Variants in ZNF468 observed in about 807,000 individuals in gnomAD.
ZNF468 encodes zinc finger protein ZNF468.
ZNF468 carries 8 observed loss-of-function variants against 7.2 expected under a neutral mutation model. That is an observed-to-expected ratio of 1.11 (90% CI 0.65 to 2.01). The LOEUF is 2.01. Ranked by LOEUF, ZNF468 falls within the 30% of genes most tolerant of loss-of-function variation. The pLI is 0.00. For synonymous variants in ZNF468, 218 were observed against 214.4 expected, an observed-to-expected ratio of 1.02 and a Z score of -0.15; for missense variants, 608 against 626.5, an observed-to-expected ratio of 0.97 and a Z score of 0.31.
Position 52,842,024 on chromosome 19 carries a change from A to T in ZNF468, c.270T>A (p.Ile90=). 6.2e-7 allele frequency: 1 copy of T among 1,613,956 alleles called. No individual in the cohort carries two copies. The highest frequency in any genetic ancestry group is 8.5e-7 in the Non-Finnish European group (1 of 1,179,942). Residue 90 remains isoleucine, a synonymous_variant, in exon 4 of 4, where the codon ATT becomes ATA. Coordinates refer to ENST00000595646, the MANE Select transcript of ZNF468 (RefSeq NM_001008801.2). The part of the protein sequence containing the change: ...HHIGEFCFHE[I]EKDIHGFEFQ... Reference sequence around the variant, plus strand: ...ACTCGAAGCCATGAATGTCTTTCTCAATTTCATGGAAACAAAATTCTCCAA... The same window carrying T: ...ACTCGAAGCCATGAATGTCTTTCTCTATTTCATGGAAACAAAATTCTCCAA...
At chr19:52,854,528 G>C (rs540535748) in intron 1 of ZNF468, among the ~76,000 whole-genome samples, 183 bp from the exon 2 acceptor site, 1 of 152,046 alleles carries the variant, frequency 6.6e-6, no homozygotes, top group Non-Finnish European at 1.5e-5. Flanking sequence ...CCACACACAC[G>C]CTGCAGCAGT....
rs1213383778 is a variant in ZNF468 at position 52,838,989 on chromosome 19, A to C, written c.*1736T>G. The C allele has an allele frequency of 1.3e-5, 2 of 152,178 alleles. No homozygotes were observed. The highest frequency in any genetic ancestry group is 1.3e-4 in the Admixed American group (2 of 15,260). The allele number at this position is 152,178 out of a possible 1,614,324, so 9.4% of individuals were successfully genotyped here. A position where few individuals can be genotyped will look rare whatever the true frequency, so the allele number is the denominator to read the frequency against. On this transcript the variant is annotated 3_prime_UTR_variant, in exon 4 of 4. Transcript: ENST00000595646. The stretch of plus-strand genomic sequence containing the variant: ...AAAAACAGGCCAGGCACAGTGGCTC[A>C]CTCCTGTAATCTCAGCACTTTGGGA...
intron 2 of ZNF468, chr19:52,853,880 T>C (rs2063412108): frequency 7.9e-7 from 1 of 1,258,864 alleles, no homozygotes; most frequent in Non-Finnish European, 1.0e-6. Context: ...ACCACGTACT[T>C]CGTGCATATT....
chr19:52,851,606 T>C (rs2063390494), intron 2 of ZNF468, among the ~76,000 whole-genome samples: 1 of 151,866 alleles, frequency 6.6e-6, no homozygotes, highest in South Asian at 2.1e-4. Flanking sequence ...TCAGGCATGG[T>C]GGCACCCACC....
In ZNF468 at chr19:52,840,567, C is replaced by G; in HGVS notation, c.*158G>C. On this transcript the variant is annotated 3_prime_UTR_variant, in exon 4 of 4. Coordinates refer to ENST00000595646, the MANE Select transcript of ZNF468 (RefSeq NM_001008801.2). ...CACATTCCTCCCATTTGTAAGGTTT[C>G]TCTCCAGTATGAAGTCTATGGTGAT... 3.7e-6 allele frequency: 5 copies of G among 1,368,864 alleles called. No homozygotes were observed. The South Asian group carries it at 6.0e-5, about 16-fold the overall frequency. 84.8% of individuals were successfully genotyped at this position (1,368,864 alleles called of 1,614,324 possible).
rs778123308 is a variant in ZNF468 at position 52,841,971 on chromosome 19, C to T, written c.323G>A (p.Gly108Asp). ...EFQWKEDETN[G>D]HAAPMTEIKE... is the part of the protein sequence containing the mutation. ...GATTTCTGTCATGGGTGCTGCATGG[C>T]CATTTGTTTCATCTTCTTTCCACTG... is the stretch of plus-strand genomic sequence containing the variant. The change falls in exon 4 of 4, where the codon GGC becomes GAC. Residue 108 changes from glycine to aspartate, a missense_variant. Physicochemically the swap from Gly to Asp is moderately conservative, Grantham distance 94 (BLOSUM62 -1). Transcript: ENST00000595646. The T allele has an allele frequency of 4.7e-5, 76 of 1,613,728 alleles. No homozygotes were observed. The highest frequency in any genetic ancestry group is 5.0e-5 in the Non-Finnish European group (59 of 1,179,886).
At chr19:52,843,734 T>C (rs1043268393) in intron 3 of ZNF468, among the ~76,000 whole-genome samples, 1 of 152,208 alleles carries the variant, frequency 6.6e-6, no homozygotes. Context: ...CTTGTACTTA[T>C]CACCAGCACA....
chr19:52,840,152 G>A lies in ZNF468; in HGVS notation c.*573C>T. The A allele has an allele frequency of 2.3e-6, 1 of 431,350 alleles. No individual in the cohort carries two copies. Among genetic ancestry groups the A allele is most frequent in the Non-Finnish European group, 4.3e-6 (1 of 232,472 alleles). The allele number at this position is 431,350 out of a possible 1,614,324, so 26.7% of individuals were successfully genotyped here. A position where few individuals can be genotyped will look rare whatever the true frequency, so the allele number is the denominator to read the frequency against. On this transcript the variant is annotated 3_prime_UTR_variant, in exon 4 of 4. Transcript: ENST00000595646. ...TTTTCTCCAGTGTGAATTCTCCTAT[G>A]TATTTGAAGCTGGATTTGTGAATGA...
chr19:52,844,166 T>C (rs1421738119), intron 3 of ZNF468, among the ~76,000 whole-genome samples: 1 of 152,130 alleles, frequency 6.6e-6, no homozygotes, highest in Non-Finnish European at 1.5e-5. Flanking sequence ...TAAGCTTTGG[T>C]AGATGTGGTA....
rs8100996 is a variant in ZNF468 at position 52,842,161 on chromosome 19, T to A, written c.143-10A>T. The A allele has an allele frequency of 0.15, 238,191 of 1,571,298 alleles. 20,735 individuals are homozygous for A. The highest frequency in any genetic ancestry group is 0.38 in the Admixed American group (20,327 of 53,782). ...CATTTGGAAGAGATATCTACAAAATTTAAACACCAATAGGTTTCCAATTAA... is the reference window on the plus strand; with the variant it reads ...CATTTGGAAGAGATATCTACAAAATATAAACACCAATAGGTTTCCAATTAA... On this transcript the variant is annotated splice_polypyrimidine_tract_variant and intron_variant, in intron 3 of 3. Transcript: ENST00000595646.
chr19:52,840,575 T>C lies in ZNF468; in HGVS notation c.*150A>G, dbSNP rs2063286370. ...TCCCATTTGTAAGGTTTCTCTCCAG[T>C]ATGAAGTCTATGGTGATGTGCAAAG... is the stretch of plus-strand genomic sequence containing the variant. On this transcript the variant is annotated 3_prime_UTR_variant, in exon 4 of 4. Coordinates refer to ENST00000595646, the MANE Select transcript of ZNF468 (RefSeq NM_001008801.2). 1 of 1,397,192 alleles carries C rather than the reference T, an allele frequency of 7.2e-7. No individual in the cohort carries two copies. Among genetic ancestry groups the C allele is most frequent in the Admixed American group, 1.7e-5 (1 of 57,784 alleles). The allele number at this position is 1,397,192 out of a possible 1,614,324, so 86.5% of individuals were successfully genotyped here.
At chr19:52,849,331 T>C (rs2063365769) in intron 2 of ZNF468, 118 bp from the exon 3 acceptor site, 1 of 1,559,508 alleles carries the variant, frequency 6.4e-7, no homozygotes, top group Non-Finnish European at 8.7e-7. Flanking sequence ...TTCTGACAAA[T>C]CCAAATAAGG....
chr19:52,845,671 A>G (rs1452717667), intron 3 of ZNF468, among the ~76,000 whole-genome samples: 1 of 151,856 alleles, frequency 6.6e-6, no homozygotes, highest in African/African-American at 2.4e-5. Context: ...AAAACTAACT[A>G]ACTAACTAAC....
chr19:52,841,101 A>G lies in ZNF468; in HGVS notation c.1193T>C (p.Leu398Pro), dbSNP rs201998375. The G allele has an allele frequency of 6.2e-7, 1 of 1,613,804 alleles. No homozygotes were observed. The highest frequency in any genetic ancestry group is 8.5e-7 in the Non-Finnish European group (1 of 1,179,928). ...CDKVFSRKSH[L>P]ERHRRIHSGE... Reference sequence around the variant, plus strand: ...ACTATGAATCCTCCTATGTCTTTCAAGGTGTGATTTGCGACTGAAAACTTT... The same window carrying G: ...ACTATGAATCCTCCTATGTCTTTCAGGGTGTGATTTGCGACTGAAAACTTT... The change falls in exon 4 of 4, where the codon CTT (leucine) becomes CCT (proline). Residue 398 changes from leucine to proline, a missense_variant. Physicochemically the swap from Leu to Pro is moderately conservative, Grantham distance 98 (BLOSUM62 -3). Coordinates refer to ENST00000595646, the MANE Select transcript of ZNF468 (RefSeq NM_001008801.2).
Position 52,841,972 on chromosome 19 carries a change from C to T in ZNF468, c.322G>A (p.Gly108Ser). Residue 108 changes from glycine (G) to serine (S), a missense_variant, in exon 4 of 4, where the codon GGC (glycine) becomes AGC (serine). Transcript: ENST00000595646. ...ATTTCTGTCATGGGTGCTGCATGGCCATTTGTTTCATCTTCTTTCCACTGA... is the reference window on the plus strand; with the variant it reads ...ATTTCTGTCATGGGTGCTGCATGGCTATTTGTTTCATCTTCTTTCCACTGA... ...EFQWKEDETN[G>S]HAAPMTEIKE... is the part of the protein sequence containing the mutation. 1 of 1,613,882 alleles carries T rather than the reference C, an allele frequency of 6.2e-7. No homozygotes were observed. Among genetic ancestry groups the T allele is most frequent in the Non-Finnish European group, 8.5e-7 (1 of 1,179,898 alleles).
intron 2 of ZNF468, among the ~76,000 whole-genome samples, chr19:52,852,220 G>C (rs2063396280): frequency 6.6e-6 from 1 of 151,444 alleles, no homozygotes; most frequent in Admixed American, 6.6e-5. Flanking sequence ...ACAAAAATTA[G>C]CCAGGCATGG....
intron 3 of ZNF468, among the ~76,000 whole-genome samples, chr19:52,848,187 A>C (rs1329403556): frequency 1.3e-5 from 2 of 152,148 alleles, no homozygotes; most frequent in Admixed American, 6.6e-5. Context: ...TACACCTGTA[A>C]TACATTCCCA....
rs779266393 is a variant in ZNF468, at chr19:52,841,274, T to G, written c.1020A>C (p.Ser340=). The G allele has an allele frequency of 1.2e-6, 2 of 1,613,776 alleles. No homozygotes were observed. Among genetic ancestry groups the G allele is most frequent in the Non-Finnish European group, 1.7e-6 (2 of 1,179,944 alleles). Residue 340 remains serine, a synonymous_variant, in exon 4 of 4, where the codon TCA becomes TCC. Coordinates refer to ENST00000595646, the MANE Select transcript of ZNF468 (RefSeq NM_001008801.2). ...KVCDEAFAYN[S]YLAKHTILHT... The stretch of plus-strand genomic sequence containing the variant: ...GAAGTATAGTATGTTTTGCCAGATA[T>G]GAATTATATGCGAAAGCCTCATCAC...
intron 2 of ZNF468, among the ~76,000 whole-genome samples, chr19:52,852,055 A>C (rs1438511234): frequency 6.6e-6 from 1 of 151,998 alleles, no homozygotes; most frequent in East Asian, 1.9e-4. Flanking sequence ...AGTGGGAGGA[A>C]AGAGAGGAGC....
Sources: gnomAD v4.1 joint callset for allele counts (sites outside exome capture counted in the v4.1 genomes callset) on GRCh38, gnomAD v4.1.1 for gene constraint, MANE v1.5 for transcripts, NCBI Gene and HGNC (gene_info 2026-07-23, HGNC 2026-07-21) for gene names.